The following DIAPH2 variants were observed in gnomAD, a reference collection of about 807,000 sequenced individuals.
The protein encoded by DIAPH2 is diaphanous related formin 2, also known as protein diaphanous homolog 2.
Under a neutral mutation model 92.7 loss-of-function variants are expected in DIAPH2, and 35 were observed. That is an observed-to-expected ratio of 0.38 (90% CI 0.29 to 0.50). DIAPH2 has a LOEUF of 0.50. Among genes scored for constraint, DIAPH2 ranks in the 20% least tolerant of loss-of-function variants. DIAPH2 has a pLI of 0.94. For missense variants in DIAPH2, 701 were observed against 819.5 expected (o/e 0.86, Z 1.77); for synonymous variants, 301 against 280.4 (o/e 1.07, Z -0.73).
chrX:97,476,147 C>A (rs762609143), intron 26 of DIAPH2, among the ~76,000 whole-genome samples: 21 of 112,049 alleles, frequency 1.9e-4, no homozygotes, highest in Non-Finnish European at 3.6e-4. Context: ...TCAGTCACAT[C>A]ACAGTAACAT....
rs766847394 is a variant in DIAPH2, at chrX:96,799,493, A to G, written c.447+41235A>G. Among the ~76,000 whole-genome samples the G allele has an allele frequency of 2.7e-5, 3 of 111,596 alleles. No homozygotes were observed. In the East Asian group the frequency reaches 8.5e-4, roughly 31 times the overall value. ...GGCCCTTGAATTTGTATTCATTTTT[A>G]TCTTGGGCACTGCATTTTAAAAGTA... On this transcript the variant is annotated intron_variant, in intron 4 of 26. Transcript: ENST00000324765.
intron 23 of DIAPH2, chrX:97,341,238 G>C (rs2069112051): frequency 9.2e-6 from 1 of 109,196 alleles, no homozygotes; most frequent in Admixed American, 9.9e-5. Flanking sequence ...ACCTAGCCCA[G>C]GTCAGAAACA....
At chrX:96,731,863 G>T (rs2064057638) in intron 1 of DIAPH2, among the ~76,000 whole-genome samples, 1 of 111,575 alleles carries the variant, frequency 9.0e-6, no homozygotes, top group African/African-American at 3.3e-5. Context: ...TGATTTTAAT[G>T]AAAATATATG....
intron 26 of DIAPH2, among the ~76,000 whole-genome samples, chrX:97,539,908 T>C (rs1432826568): frequency 8.9e-6 from 1 of 112,099 alleles, no homozygotes; most frequent in East Asian, 2.8e-4. Context: ...GTTATAAGGA[T>C]ATAATACTCA....
chrX:97,267,846 A>C (rs2068350780), intron 23 of DIAPH2, among the ~76,000 whole-genome samples: 1 of 111,645 alleles, frequency 9.0e-6, no homozygotes, highest in East Asian at 2.8e-4. Flanking sequence ...CACGTGACTT[A>C]TAAGACTCAC....
intron 23 of DIAPH2, among the ~76,000 whole-genome samples, chrX:97,332,939 C>T (rs1472225226): frequency 1.8e-5 from 2 of 112,117 alleles, no homozygotes; most frequent in Non-Finnish European, 3.8e-5. Context: ...CAGGGACCTT[C>T]CCTTTGGCAA....
intron 26 of DIAPH2, among the ~76,000 whole-genome samples, chrX:97,534,661 T>A (rs898492075): frequency 1.8e-5 from 2 of 111,413 alleles, no homozygotes; most frequent in Non-Finnish European, 3.8e-5. Flanking sequence ...AAAGAAAAAT[T>A]TTAACATCCT....
At chrX:96,693,479 A>G (rs2063808626) in intron 1 of DIAPH2, among the ~76,000 whole-genome samples, 1 of 112,304 alleles carries the variant, frequency 8.9e-6, no homozygotes, top group South Asian at 3.7e-4. Flanking sequence ...TTCTATATGT[A>G]GATAGGAAGA....
At position 96,685,101 on chromosome X, in the gene DIAPH2, A is replaced by T. The variant is rs2063763460; in HGVS notation, c.43A>T (p.Ser15Cys). 4 of 1,013,098 alleles carry T rather than the reference A, an allele frequency of 3.9e-6. No individual in the cohort carries two copies. The highest frequency in any genetic ancestry group is 5.0e-5 in the Admixed American group (1 of 20,071). The allele number at this position is 1,013,098 out of a possible 1,213,427, so 83.5% of individuals were successfully genotyped here. A position where few individuals can be genotyped will look rare whatever the true frequency, so the allele number is the denominator to read the frequency against. ...GGCGGCGTCGGGAGCGGGAGGCGGCAGCGAGGAACCCGGTGGGGGCCGGAG... is the reference window on the plus strand; with the variant it reads ...GGCGGCGTCGGGAGCGGGAGGCGGCTGCGAGGAACCCGGTGGGGGCCGGAG... The part of the protein sequence containing the change: ...GAAASGAGGG[S>C]EEPGGGRSNK... The change falls in exon 1 of 27, where the codon AGC becomes TGC. Residue 15 changes from serine to cysteine, a missense_variant. By Grantham distance (112) the Ser-to-Cys change is moderately radical (BLOSUM62 -1). This residue lies in a region of DIAPH2 where 131 missense variants were observed against 145.6 expected (regional missense o/e 0.90). Coordinates refer to ENST00000324765, the MANE Select transcript of DIAPH2 (RefSeq NM_006729.5).
intron 26 of DIAPH2, among the ~76,000 whole-genome samples, chrX:97,487,571 G>A (rs372054783): frequency 1.6e-4 from 18 of 112,052 alleles, no homozygotes; most frequent in African/African-American, 5.8e-4. Context: ...ACCGCGCCCG[G>A]CCTCAATTCT....
intron 23 of DIAPH2, among the ~76,000 whole-genome samples, chrX:97,287,416 T>C (rs1054138311): frequency 8.9e-6 from 1 of 112,003 alleles, no homozygotes; most frequent in African/African-American, 3.2e-5. Flanking sequence ...ACTGTTTATC[T>C]GATATTGCCA....
At chrX:97,386,671 AT>A (rs1310117535) in intron 25 of DIAPH2, among the ~76,000 whole-genome samples, 2 of 109,926 alleles carry the variant, frequency 1.8e-5, no homozygotes, top group Non-Finnish European at 3.8e-5. Context: ...CTGTCTCAAA[AT>A]AAAAAAAAAA....
At chrX:96,767,497 T>C (rs772473901) in intron 4 of DIAPH2, among the ~76,000 whole-genome samples, 37 of 112,112 alleles carry the variant, frequency 3.3e-4, no homozygotes, top group Non-Finnish European at 6.0e-4. Flanking sequence ...GTTTAATATA[T>C]TTAACATGTA....
intron 25 of DIAPH2, among the ~76,000 whole-genome samples, chrX:97,424,801 T>G (rs1407973970): frequency 9.1e-6 from 1 of 110,246 alleles, no homozygotes; most frequent in Non-Finnish European, 1.9e-5. Context: ...TCTTTTGTAT[T>G]TTTTGTAAAG....
chrX:96,811,108 C>A (rs2064676460), intron 4 of DIAPH2, among the ~76,000 whole-genome samples: 1 of 111,653 alleles, frequency 9.0e-6, no homozygotes, highest in East Asian at 2.8e-4. Context: ...TTACCTTGGG[C>A]AGTATGGCCA....
At chrX:96,950,097 G>A (rs1191992475) in intron 15 of DIAPH2, among the ~76,000 whole-genome samples, 2 of 110,641 alleles carry the variant, frequency 1.8e-5, no homozygotes, top group Non-Finnish European at 3.8e-5. Flanking sequence ...TTCTCTGTCT[G>A]TTTCCCTCCC....
At chrX:97,079,437 T>A (rs1011397156) in intron 19 of DIAPH2, among the ~76,000 whole-genome samples, 2 of 111,176 alleles carry the variant, frequency 1.8e-5, no homozygotes, top group Non-Finnish European at 3.8e-5. Flanking sequence ...TTTAAAAAAA[T>A]TATTAATTGA....
intron 4 of DIAPH2, among the ~76,000 whole-genome samples, chrX:96,765,829 G>T (rs2064300422): frequency 9.0e-6 from 1 of 111,015 alleles, no homozygotes; most frequent in East Asian, 2.9e-4. Context: ...TATCTGCATA[G>T]GAACACTTGG....
At chrX:96,756,803 T>C (rs5949455) in intron 3 of DIAPH2, among the ~76,000 whole-genome samples, 23,663 of 110,091 alleles carry the variant, frequency 0.21, 1,955 homozygotes, top group East Asian at 0.32. Context: ...TTTTTTCTAG[T>C]TATCCTAGTA....
Sources: allele counts gnomAD v4.1 joint callset (sites outside exome capture counted in the v4.1 genomes callset), GRCh38; gene constraint gnomAD v4.1.1; regional missense constraint gnomAD v4.1.1; transcripts MANE v1.5; gene names NCBI Gene and HGNC (gene_info 2026-07-23, HGNC 2026-07-21).